Variants in MYO6 observed in about 807,000 individuals in gnomAD.
The protein encoded by MYO6 is unconventional myosin-VI.
Under a neutral mutation model 178.7 loss-of-function variants are expected in MYO6, and 74 were observed. The observed-to-expected ratio is 0.41, with a 90% CI of 0.34 to 0.50. The LOEUF (loss-of-function observed/expected upper bound fraction) is 0.50, where lower values mean the gene tolerates loss of function less well. Ranked by LOEUF, MYO6 falls within the 20% of genes least tolerant of loss-of-function variation. The pLI is 0.09. For synonymous variants in MYO6, 477 were observed against 504.6 expected (o/e 0.95, Z 0.73); for missense variants, 1,330 against 1,547.4 (o/e 0.86, Z 2.36).
chr6:75,904,204 T>G (rs2149403962), intron 30 of MYO6, among the ~76,000 whole-genome samples: 1 of 149,622 alleles, frequency 6.7e-6, no homozygotes, highest in African/African-American at 2.4e-5. Context: ...CAATTATGTG[T>G]CTTGGAGTTG....
chr6:75,810,091 A>C (rs1186401712), intron 1 of MYO6, among the ~76,000 whole-genome samples: 1 of 151,276 alleles, frequency 6.6e-6, no homozygotes, highest in Non-Finnish European at 1.5e-5. Flanking sequence ...CTCAAAAAAA[A>C]AAAAAAAAAA....
intron 1 of MYO6, among the ~76,000 whole-genome samples, chr6:75,808,710 A>G (rs998148472): frequency 6.6e-6 from 1 of 152,238 alleles, no homozygotes; most frequent in African/African-American, 2.4e-5. Flanking sequence ...AGAAAGGTTA[A>G]GGATGCACCT....
At chr6:75,899,767 G>T (rs1779593769) in intron 30 of MYO6, among the ~76,000 whole-genome samples, 1 of 149,952 alleles carries the variant, frequency 6.7e-6, no homozygotes, top group Non-Finnish European at 1.5e-5. Context: ...TAAGTTTTAG[G>T]GTACATGTGC....
chr6:75,772,807 A>G (rs368779159), intron 1 of MYO6, among the ~76,000 whole-genome samples: 24 of 152,226 alleles, frequency 1.6e-4, no homozygotes, highest in African/African-American at 5.3e-4. Context: ...TGGACCCTTC[A>G]ATGAAGTGCT....
chr6:75,792,814 C>T (rs1023596685), intron 1 of MYO6, among the ~76,000 whole-genome samples: 5 of 152,046 alleles, frequency 3.3e-5, no homozygotes, highest in Admixed American at 2.0e-4. Flanking sequence ...GACAGGATCT[C>T]GCTCTGTTGC....
intron 15 of MYO6, among the ~76,000 whole-genome samples, chr6:75,862,305 C>T (rs558954071): frequency 6.6e-6 from 1 of 152,272 alleles, no homozygotes; most frequent in South Asian, 2.1e-4. Flanking sequence ...TTTCCAATTC[C>T]TTAGCCTCTT....
intron 17 of MYO6, 142 bp from the exon 18 acceptor site, chr6:75,866,790 C>G: frequency 3.8e-6 from 4 of 1,054,360 alleles, no homozygotes; most frequent in South Asian, 2.7e-5. Flanking sequence ...TGCCCAGTGT[C>G]CACACTGACT....
chr6:75,863,930 T>C (rs6912277), intron 16 of MYO6, among the ~76,000 whole-genome samples: 151,041 of 152,260 alleles, frequency 0.99, 74,918 homozygotes, highest in Middle Eastern at 1. Context: ...CAGCCATTGT[T>C]ACCTGAGGTA....
intron 27 of MYO6, among the ~76,000 whole-genome samples, chr6:75,891,633 A>AAAAAAAT (rs1265369551): frequency 6.6e-6 from 1 of 152,078 alleles, no homozygotes; most frequent in African/African-American, 2.4e-5. Context: ...CTCCATCTCA[A>AAAAAAAT]AAAAAATAAA....
At chr6:75,777,565 C>T (rs1048226514) in intron 1 of MYO6, among the ~76,000 whole-genome samples, 7 of 151,820 alleles carry the variant, frequency 4.6e-5, no homozygotes, top group Non-Finnish European at 1.0e-4. Flanking sequence ...GTAGCTGGGA[C>T]TACAGGTATG....
At chr6:75,897,936 C>T (rs1009312364) in intron 29 of MYO6, among the ~76,000 whole-genome samples, 2 of 152,158 alleles carry the variant, frequency 1.3e-5, no homozygotes, top group Admixed American at 6.5e-5. Flanking sequence ...AAAACTCTGA[C>T]GCTGTCAAAT....
chr6:75,819,000 T>G (rs1771582017), intron 2 of MYO6, among the ~76,000 whole-genome samples: 1 of 152,224 alleles, frequency 6.6e-6, no homozygotes, highest in Non-Finnish European at 1.5e-5. Context: ...TATATAGTTG[T>G]TATGTATATT....
chr6:75,799,454 A>G (rs1043130379), intron 1 of MYO6, among the ~76,000 whole-genome samples: 2 of 152,154 alleles, frequency 1.3e-5, no homozygotes. Context: ...AGGTTAAGGA[A>G]GAACAAACAT....
chr6:75,859,782 C>A (rs575564453), intron 14 of MYO6, among the ~76,000 whole-genome samples: 14 of 151,946 alleles, frequency 9.2e-5, no homozygotes, highest in African/African-American at 3.4e-4. Context: ...GCCTCAGCCT[C>A]CTGAGTAGCT....
intron 30 of MYO6, 66 bp from the exon 31 acceptor site, chr6:75,907,539 G>C: frequency 3.2e-6 from 4 of 1,258,824 alleles, no homozygotes; most frequent in Non-Finnish European, 4.6e-6. Context: ...ATGCTTTCTT[G>C]CCTCTTTAGT....
intron 1 of MYO6, among the ~76,000 whole-genome samples, chr6:75,765,871 A>G (rs1778370355): frequency 6.6e-6 from 1 of 152,186 alleles, no homozygotes; most frequent in African/African-American, 2.4e-5. Flanking sequence ...TAAGAATAAA[A>G]AAAAGGTTAG....
intron 23 of MYO6, among the ~76,000 whole-genome samples, chr6:75,882,607 G>T (rs1778129993): frequency 1.3e-5 from 2 of 151,982 alleles, no homozygotes; most frequent in East Asian, 3.9e-4. Context: ...CTAGGATTCT[G>T]TAAAAATAAT....
At chr6:75,797,622 C>T (rs1769001936) in intron 1 of MYO6, among the ~76,000 whole-genome samples, 1 of 152,058 alleles carries the variant, frequency 6.6e-6, no homozygotes, top group African/African-American at 2.4e-5. Context: ...CAACCTCCAC[C>T]TTCTGGGCTC....
At chr6:75,881,518 C>T (rs557457107) in intron 22 of MYO6, among the ~76,000 whole-genome samples, 171 bp from the exon 23 acceptor site, 1 of 149,522 alleles carries the variant, frequency 6.7e-6, no homozygotes, top group Non-Finnish European at 1.5e-5. Context: ...GGAAGCAAAA[C>T]GTGGCCAAGT....
Sources: allele counts gnomAD v4.1 joint callset (sites outside exome capture counted in the v4.1 genomes callset), GRCh38; gene constraint gnomAD v4.1.1; transcripts MANE v1.5; gene names NCBI Gene and HGNC (gene_info 2026-07-23, HGNC 2026-07-21).